TDRD1: variants seen among roughly 807,000 people sequenced by gnomAD.
TDRD1 encodes the protein tudor domain containing 1.
In TDRD1, 37 loss-of-function variants were observed where a neutral mutation model predicts 140.6. The observed-to-expected ratio is 0.26, with a 90% CI of 0.20 to 0.35. The LOEUF (loss-of-function observed/expected upper bound fraction) is 0.35. Ranked by LOEUF, TDRD1 falls within the 10% of genes least tolerant of loss-of-function variation. The pLI is 1.00. For missense variants in TDRD1, 1,243 were observed against 1,393.0 expected, an observed-to-expected ratio of 0.89 and a Z score of 1.71; for synonymous variants, 506 against 475.7, an observed-to-expected ratio of 1.06 and a Z score of -0.83.
At chr10:114,183,825 C>T (rs2033296101) in intron 1 of TDRD1, among the ~76,000 whole-genome samples, 1 of 151,892 alleles carries the variant, frequency 6.6e-6, no homozygotes, top group South Asian at 2.1e-4. Flanking sequence ...CCTCAGCCTC[C>T]TGAGTAGCTG....
At chr10:114,213,492 C>G (rs1256101330) in exon 15 of TDRD1, 3 of 1,613,954 alleles carry the variant, frequency 1.9e-6, no homozygotes, top group Non-Finnish European at 2.5e-6. Context: ...CGAGACGCCT[C>G]ATGTCAGTGT....
chr10:114,213,782 G>C (rs1219644865), intron 15 of TDRD1, among the ~76,000 whole-genome samples, 194 bp downstream of exon 15: 1 of 152,182 alleles, frequency 6.6e-6, no homozygotes, highest in African/African-American at 2.4e-5. Context: ...GCCAGCAGCT[G>C]ATGATCAGAA....
intron 1 of TDRD1, chr10:114,180,062 C>G (rs1403366325): frequency 1.3e-5 from 2 of 152,150 alleles, no homozygotes; most frequent in Non-Finnish European, 2.9e-5. Flanking sequence ...TTCCAACTTC[C>G]CACGTCTCCC....
rs747646731 is a variant in TDRD1 at position 114,221,402 on chromosome 10, A to G, written c.2816A>G (p.Asp939Gly). The G allele has an allele frequency of 2.2e-5, 36 of 1,612,920 alleles. No homozygotes were observed. Among genetic ancestry groups the G allele is most frequent in the Non-Finnish European group, 2.8e-5 (33 of 1,179,056 alleles). ...TGGAAGACGATAGAATTGCCAGTGG[A>G]TAAAACTATACAAGCAAATGTATTA... The change falls in exon 20 of 26, where the codon GAT becomes GGT. Residue 939 changes from aspartate (D) to glycine (G), a missense_variant. Physicochemically the swap from Asp to Gly is moderately conservative, Grantham distance 94. Around this residue, in one of 5 missense-constraint regions of TDRD1, gnomAD observed 601 missense variants for 734.7 expected, o/e 0.82. Transcript: ENST00000251864.
upstream of TDRD1, among the ~76,000 whole-genome samples, chr10:114,175,279 TC>T (rs2032668173): frequency 6.6e-6 from 1 of 152,226 alleles, no homozygotes; most frequent in Non-Finnish European, 1.5e-5. Flanking sequence ...TCGGTACTCG[TC>T]AGTAATAACA....
intron 1 of TDRD1, among the ~76,000 whole-genome samples, chr10:114,185,781 G>A (rs897498673): frequency 1.3e-5 from 2 of 150,838 alleles, no homozygotes; most frequent in Admixed American, 1.3e-4. Context: ...TAGAGACAGA[G>A]TTTCACCATG....
upstream of TDRD1, among the ~76,000 whole-genome samples, chr10:114,178,867 C>CAAA (rs11285127): frequency 1.9e-5 from 2 of 102,652 alleles, no homozygotes; most frequent in Non-Finnish European, 4.3e-5. Context: ...AGTTCCATAG[C>CAAA]AAAAAAAAAA....
chr10:114,199,420 C>A (rs566077357), intron 4 of TDRD1, 103 bp downstream of exon 4: 1 of 1,393,872 alleles, frequency 7.2e-7, no homozygotes. Context: ...AGAACAGTGT[C>A]CCCATGCCAC....
At chr10:114,176,118 G>A (rs547866720), upstream of TDRD1, among the ~76,000 whole-genome samples, 7 of 151,960 alleles carry the variant, frequency 4.6e-5, no homozygotes, top group Non-Finnish European at 8.8e-5. This position sits in a 1 kb window ranked among gnomAD's most constrained non-coding sequence, Gnocchi z 4.2. Flanking sequence ...AGGAAGCTTC[G>A]TATTGTAATG....
chr10:114,210,505 G>T (rs2035411315), intron 11 of TDRD1, 76 bp from the exon 12 acceptor site: 2 of 1,401,792 alleles, frequency 1.4e-6, no homozygotes, highest in South Asian at 1.6e-5. Flanking sequence ...GTTTTAAAAT[G>T]ATTAAAGCGT....
chr10:114,221,628 C>T (rs866122810), intron 20 of TDRD1, 152 bp downstream of exon 20: 25 of 727,996 alleles, frequency 3.4e-5, no homozygotes, highest in African/African-American at 1.6e-4. Flanking sequence ...AATTTAGTTA[C>T]GAAACACTAG....
intron 4 of TDRD1, among the ~76,000 whole-genome samples, 183 bp from the exon 5 acceptor site, chr10:114,201,227 C>T (rs1408268552): frequency 2.0e-5 from 3 of 152,020 alleles, no homozygotes; most frequent in East Asian, 3.9e-4. Context: ...TCTGATCTCC[C>T]TTTTTTTAAT....
At chr10:114,175,651 A>G (rs1216554925), upstream of TDRD1, among the ~76,000 whole-genome samples, 3 of 152,210 alleles carry the variant, frequency 2.0e-5, no homozygotes, top group African/African-American at 7.2e-5. Flanking sequence ...TATGCAAGAT[A>G]GCCTAGGACA....
chr10:114,204,626 T>G (rs2034982625), intron 9 of TDRD1, 96 bp from the exon 10 acceptor site: 1 of 1,266,920 alleles, frequency 7.9e-7, no homozygotes, highest in African/African-American at 1.5e-5. Flanking sequence ...TTGTGATAAG[T>G]TTTCAGCATG....
At chr10:114,225,920 A>T in intron 21 of TDRD1, 129 bp from the exon 22 acceptor site, 1 of 769,474 alleles carries the variant, frequency 1.3e-6, no homozygotes, top group Non-Finnish European at 2.2e-6. Context: ...GCTTGTATTT[A>T]ATTTGAACTG....
chr10:114,227,851 CA>C, intron 23 of TDRD1, 58 bp from the exon 24 acceptor site: 2 of 1,426,972 alleles, frequency 1.4e-6, no homozygotes, highest in Non-Finnish European at 2.0e-6. Context: ...TTTACACTCC[CA>C]AGTTTTTCTT....
exon 9 of TDRD1, chr10:114,204,197 T>C (rs1380567024): frequency 1.3e-6 from 2 of 1,591,360 alleles, no homozygotes; most frequent in South Asian, 2.3e-5. Context: ...AACAGGAACA[T>C]TGACTTGTTT....
chr10:114,178,823 G>A (rs2032789720), upstream of TDRD1, among the ~76,000 whole-genome samples: 1 of 148,628 alleles, frequency 6.7e-6, no homozygotes, highest in Non-Finnish European at 1.5e-5. Context: ...TAGATGATAG[G>A]CACACAAGGG....
intron 25 of TDRD1, chr10:114,228,346 A>G: frequency 7.7e-7 from 1 of 1,295,884 alleles, no homozygotes; most frequent in African/African-American, 1.5e-5. Flanking sequence ...CCCCAGGGGT[A>G]TTCCAGTTGT....
Sources: allele counts gnomAD v4.1 joint callset (sites outside exome capture counted in the v4.1 genomes callset), GRCh38; gene constraint gnomAD v4.1.1; regional missense constraint gnomAD v4.1.1; non-coding constraint Gnocchi (gnomAD v3.1); transcripts MANE v1.5; gene names NCBI Gene and HGNC (gene_info 2026-07-23, HGNC 2026-07-21).